Variants in PHACTR4 observed in about 807,000 individuals in gnomAD.
PHACTR4 encodes the protein protein phosphatase 1, regulatory subunit 124.
In PHACTR4, 51 loss-of-function variants were observed where a neutral mutation model predicts 72.7. The observed-to-expected ratio is 0.70, with a 90% CI of 0.56 to 0.89. The LOEUF (loss-of-function observed/expected upper bound fraction) is 0.89. Ranked by LOEUF, PHACTR4 falls within the 40% of genes least tolerant of loss-of-function variation. PHACTR4 has a pLI of 0.00. For missense variants in PHACTR4, 731 were observed against 861.8 expected, an observed-to-expected ratio of 0.85 and a Z score of 1.90; for synonymous variants, 255 against 302.5, an observed-to-expected ratio of 0.84 and a Z score of 1.63.
At chr1:28,419,564 T>C (rs971745637) in intron 2 of PHACTR4, among the ~76,000 whole-genome samples, 5 of 152,042 alleles carry the variant, frequency 3.3e-5, no homozygotes, top group Admixed American at 6.6e-5. Context: ...TGCCTCAGCC[T>C]GCCGAGTAGC....
intron 2 of PHACTR4, among the ~76,000 whole-genome samples, chr1:28,440,413 T>TTTTTTTTTAG (rs1656936536): frequency 7.8e-6 from 1 of 127,930 alleles, no homozygotes; most frequent in Non-Finnish European, 1.7e-5. Flanking sequence ...TTTTTTTTTT[T>TTTTTTTTTAG]GAGACGGAGT....
intron 2 of PHACTR4, among the ~76,000 whole-genome samples, chr1:28,420,794 G>C (rs1446960372): frequency 1.3e-5 from 2 of 152,098 alleles, no homozygotes; most frequent in East Asian, 1.9e-4. Context: ...ATTATGTCAA[G>C]TAATGGGAAA....
intron 1 of PHACTR4, among the ~76,000 whole-genome samples, chr1:28,391,324 G>A (rs7523532): frequency 0.077 from 11,559 of 149,864 alleles, 840 homozygotes; most frequent in East Asian, 0.38. Flanking sequence ...GTGTGAACCC[G>A]GAAGGCAGAG....
chr1:28,442,894 A>C (rs1034238599), intron 2 of PHACTR4, among the ~76,000 whole-genome samples: 5 of 152,158 alleles, frequency 3.3e-5, no homozygotes, highest in African/African-American at 2.4e-5. Flanking sequence ...GATTAGGGTA[A>C]TTAGCATATT....
At chr1:28,399,498 A>G (rs546967369) in intron 1 of PHACTR4, among the ~76,000 whole-genome samples, 2 of 152,292 alleles carry the variant, frequency 1.3e-5, no homozygotes, top group East Asian at 3.9e-4. Flanking sequence ...CATGGCTCAC[A>G]TACGTCATGG....
intron 2 of PHACTR4, chr1:28,453,901 G>A: frequency 1.2e-6 from 1 of 805,906 alleles, no homozygotes; most frequent in Non-Finnish European, 2.1e-6. Flanking sequence ...GACCCTGGAT[G>A]TAATTCAGGC....
At chr1:28,371,542 G>A (rs1247121472) in intron 1 of PHACTR4, among the ~76,000 whole-genome samples, 7 of 151,984 alleles carry the variant, frequency 4.6e-5, no homozygotes, top group South Asian at 2.1e-4. Flanking sequence ...TGATCCACCC[G>A]CCTCGGTCTC....
rs907328091 is a variant in PHACTR4 at position 28,387,646 on chromosome 1, G to T, written c.-39+17821G>T. On this transcript the variant is annotated intron_variant, in intron 1 of 13. Coordinates refer to ENST00000373839, the MANE Select transcript of PHACTR4 (RefSeq NM_001048183.3). Reference sequence around the variant, plus strand: ...CATACCTGTAATCCCAGCACTTTGCGGGGGCTGAGGCTGGAGGATTGCCTG... The same window carrying T: ...CATACCTGTAATCCCAGCACTTTGCTGGGGCTGAGGCTGGAGGATTGCCTG... Among the ~76,000 whole-genome samples, 5 of 152,108 alleles carry T rather than the reference G, an allele frequency of 3.3e-5. No individual in the cohort carries two copies. In the East Asian group the frequency reaches 5.8e-4, roughly 18 times the overall value.
intron 13 of PHACTR4, among the ~76,000 whole-genome samples, chr1:28,495,866 C>T (rs1216185104): frequency 2.0e-5 from 3 of 151,962 alleles, no homozygotes; most frequent in Non-Finnish European, 4.4e-5. Flanking sequence ...ATCTTCTCAC[C>T]TTGGCCTCCC....
intron 2 of PHACTR4, among the ~76,000 whole-genome samples, chr1:28,424,804 T>A (rs928773218): frequency 2.0e-5 from 3 of 151,148 alleles, no homozygotes; most frequent in African/African-American, 7.3e-5. Flanking sequence ...TTTGTTGTGT[T>A]TTTTTTTGAG....
intron 2 of PHACTR4, chr1:28,453,799 G>T: frequency 1.1e-6 from 1 of 898,134 alleles, no homozygotes; most frequent in South Asian, 1.3e-5. Context: ...GGTGCGTCCT[G>T]ACAAAAATCA....
At chr1:28,444,184 T>C (rs1657256040) in intron 2 of PHACTR4, among the ~76,000 whole-genome samples, 2 of 151,772 alleles carry the variant, frequency 1.3e-5, no homozygotes, top group African/African-American at 4.8e-5. Context: ...GATGATTTGT[T>C]ATGTTGAGCA....
At chr1:28,396,176 A>C (rs1312614207) in intron 1 of PHACTR4, among the ~76,000 whole-genome samples, 1 of 152,064 alleles carries the variant, frequency 6.6e-6, no homozygotes, top group Non-Finnish European at 1.5e-5. Flanking sequence ...ATTTTAGGGA[A>C]ATGTAGAGGT....
intron 2 of PHACTR4, chr1:28,457,919 T>C (rs562259387): frequency 2.1e-6 from 1 of 471,550 alleles, no homozygotes; most frequent in African/African-American, 2.2e-5. Context: ...TTCCTGCTGG[T>C]TTTTTTTTTT....
chr1:28,495,933 T>G (rs919217316), intron 13 of PHACTR4, among the ~76,000 whole-genome samples: 3 of 151,914 alleles, frequency 2.0e-5, no homozygotes, highest in Non-Finnish European at 2.9e-5. Flanking sequence ...GGAAAGTTGT[T>G]TTTTATTTAA....
At chr1:28,388,411 G>A (rs923832623) in intron 1 of PHACTR4, among the ~76,000 whole-genome samples, 2 of 152,256 alleles carry the variant, frequency 1.3e-5, no homozygotes, top group South Asian at 2.1e-4. Flanking sequence ...ATAAGTCCAC[G>A]TAGGTATGGT....
intron 2 of PHACTR4, among the ~76,000 whole-genome samples, chr1:28,424,412 C>T (rs1655702959): frequency 6.6e-6 from 1 of 152,146 alleles, no homozygotes; most frequent in South Asian, 2.1e-4. Flanking sequence ...CCACTTCAGC[C>T]TTCCAAAGTG....
intron 1 of PHACTR4, among the ~76,000 whole-genome samples, chr1:28,387,497 AC>A (rs1340425380): frequency 6.6e-6 from 1 of 152,146 alleles, no homozygotes; most frequent in Non-Finnish European, 1.5e-5. Context: ...ACTTGCACAT[AC>A]CCAATTTTGC....
At chr1:28,444,214 C>CT (rs746642128) in intron 2 of PHACTR4, among the ~76,000 whole-genome samples, 3,896 of 41,102 alleles carry the variant, frequency 0.095, 1,445 homozygotes, top group Middle Eastern at 0.23. Flanking sequence ...ATATATTTGG[C>CT]TTTTTTTTTT....
Sources: gnomAD v4.1 joint callset for allele counts (sites outside exome capture counted in the v4.1 genomes callset) on GRCh38, gnomAD v4.1.1 for gene constraint, MANE v1.5 for transcripts, NCBI Gene and HGNC (gene_info 2026-07-23, HGNC 2026-07-21) for gene names.